The following CNIH3 variants were observed in gnomAD, a reference collection of about 807,000 sequenced individuals.
CNIH3 encodes protein cornichon homolog 3.
Under a neutral mutation model 24.1 loss-of-function variants are expected in CNIH3, and 14 were observed. The observed-to-expected ratio is 0.58, with a 90% CI of 0.38 to 0.91. The LOEUF (loss-of-function observed/expected upper bound fraction) is 0.91. CNIH3 is among the 40% of genes least tolerant of loss of function. The pLI is 0.00. For synonymous variants in CNIH3, 68 were observed against 73.8 expected (o/e 0.92, Z 0.40); for missense variants, 178 against 196.8 (o/e 0.90, Z 0.57).
chr1:224,452,582 C>T lies in CNIH3; in HGVS notation n.203+17720C>T, dbSNP rs576465438. ...GGATCACAAGGTCAGGAGATTGAGACCATCCTGGCTAACACGGTGAAACCC... is the reference window on the plus strand; with the variant it reads ...GGATCACAAGGTCAGGAGATTGAGATCATCCTGGCTAACACGGTGAAACCC... On this transcript the variant is annotated intron_variant and non_coding_transcript_variant, in intron 1 of 5. Coordinates refer to the CNIH3 transcript ENST00000471578. Among the ~76,000 whole-genome samples, 28 of 148,470 alleles carry T rather than the reference C, an allele frequency of 1.9e-4. No homozygotes were observed. The East Asian group carries it at 3.4e-3, about 18-fold the overall frequency.
intron 1 of CNIH3, among the ~76,000 whole-genome samples, chr1:224,644,685 T>C (rs1482491047): frequency 6.6e-6 from 1 of 152,230 alleles, no homozygotes; most frequent in Non-Finnish European, 1.5e-5. Flanking sequence ...ACCTGACTGC[T>C]GTATGCCAAA....
At position 224,705,859 on chromosome 1, in the gene CNIH3, CTT is replaced by C. The variant is rs869143802; in HGVS notation, c.198+21030_198+21031del. 6.7e-5 allele frequency among the ~76,000 whole-genome samples: 6 copies of C among 88,920 alleles called. 1 individual carries two copies. Among genetic ancestry groups the C allele is most frequent in the Middle Eastern group, 6.8e-3 (1 of 148 alleles). The allele number at this position is 88,920 out of a possible 152,430, so 58.3% of individuals were successfully genotyped here. A position where few individuals can be genotyped will look rare whatever the true frequency, so the allele number is the denominator to read the frequency against. On this transcript the variant is annotated intron_variant, in intron 3 of 5. Coordinates refer to ENST00000272133, the MANE Select transcript of CNIH3 (RefSeq NM_152495.2). ...TTTCTCTCTTTCTTTTCTTTTTTTT[CTT>C]TTTTTTTTTTTTTGAGCTGAACCTA...
chr1:224,593,297 G>A (rs1681841024), downstream of CNIH3, among the ~76,000 whole-genome samples: 1 of 152,050 alleles, frequency 6.6e-6, no homozygotes, highest in Non-Finnish European at 1.5e-5. Context: ...TGGGACCACA[G>A]GCATGTGGCA....
At chr1:224,454,127 C>T (rs1368941375) in intron 1 of CNIH3, among the ~76,000 whole-genome samples, 1 of 152,118 alleles carries the variant, frequency 6.6e-6, no homozygotes, top group Non-Finnish European at 1.5e-5. Context: ...CTATATTATT[C>T]TAAGAAGTAA....
chr1:224,577,339 A>C (rs771646945), intron 4 of CNIH3, among the ~76,000 whole-genome samples: 17 of 152,186 alleles, frequency 1.1e-4, no homozygotes, highest in Non-Finnish European at 1.9e-4. Flanking sequence ...AGAATCTACA[A>C]GGAACTCAAA....
intron 1 of CNIH3, among the ~76,000 whole-genome samples, chr1:224,440,947 G>C (rs1406989612): frequency 6.6e-6 from 1 of 151,974 alleles, no homozygotes; most frequent in Non-Finnish European, 1.5e-5. Context: ...CTCCCGAGTA[G>C]CTGGGACTAC....
chr1:224,642,939 A>G (rs999503530), intron 1 of CNIH3, among the ~76,000 whole-genome samples: 5 of 152,032 alleles, frequency 3.3e-5, no homozygotes, highest in Non-Finnish European at 7.4e-5. Context: ...CTCCGGAGAG[A>G]GCTCTAAAGG....
At chr1:224,512,553 G>A (rs1392717236), upstream of CNIH3, among the ~76,000 whole-genome samples, 4 of 152,144 alleles carry the variant, frequency 2.6e-5, no homozygotes, top group African/African-American at 7.2e-5. Context: ...CAACCAAAAT[G>A]AACAAATGTT....
At chr1:224,670,611 A>G (rs1181500931) in intron 1 of CNIH3, among the ~76,000 whole-genome samples, 1 of 152,134 alleles carries the variant, frequency 6.6e-6, no homozygotes, top group Non-Finnish European at 1.5e-5. Context: ...TCATCCCTAA[A>G]TGGAGGAGGC....
At chr1:224,726,623 C>T (rs531885421) in intron 3 of CNIH3, among the ~76,000 whole-genome samples, 50 of 152,252 alleles carry the variant, frequency 3.3e-4, no homozygotes, top group Non-Finnish European at 6.6e-4. Context: ...TCTAGGATGC[C>T]GACCTCTGGT....
intron 3 of CNIH3, among the ~76,000 whole-genome samples, chr1:224,715,686 G>A (rs1040386965): frequency 6.6e-6 from 1 of 152,152 alleles, no homozygotes; most frequent in Non-Finnish European, 1.5e-5. Flanking sequence ...GAGATCACAC[G>A]GCGGGAGAGG....
At chr1:224,638,625 T>C (rs1043050294) in intron 1 of CNIH3, among the ~76,000 whole-genome samples, 1 of 152,182 alleles carries the variant, frequency 6.6e-6, no homozygotes, top group African/African-American at 2.4e-5. Context: ...CATCCCTAGA[T>C]GTTATCTCTC....
intron 1 of CNIH3, among the ~76,000 whole-genome samples, chr1:224,484,016 C>A (rs2405024): frequency 0.013 from 1,936 of 151,902 alleles, 32 homozygotes; most frequent in African/African-American, 0.041. Flanking sequence ...ACTAAAAATA[C>A]AAAAATTAGC....
intron 2 of CNIH3, among the ~76,000 whole-genome samples, chr1:224,527,827 A>G (rs1678903282): frequency 6.6e-6 from 1 of 152,224 alleles, no homozygotes; most frequent in Non-Finnish European, 1.5e-5. Context: ...ATTATGTGTC[A>G]ATTACAAATA....
At chr1:224,446,212 G>GTTTTTTTTTTTTTTTTTTT (rs35812016) in intron 1 of CNIH3, among the ~76,000 whole-genome samples, 1 of 108,876 alleles carries the variant, frequency 9.2e-6, no homozygotes, top group African/African-American at 3.3e-5. Flanking sequence ...TTTCAACTTT[G>GTTTTTTTTTTTTTTTTTTT]TTTTTTTTTT....
At chr1:224,463,773 ATTTTTTTT>A (rs56137320) in intron 1 of CNIH3, among the ~76,000 whole-genome samples, 22 of 20,724 alleles carry the variant, frequency 1.1e-3, no homozygotes, top group African/African-American at 5.1e-3. Flanking sequence ...AATTGTCCTC[ATTTTTTTT>A]TTTTTTTTTT....
At chr1:224,538,908 T>C (rs1201254456), downstream of CNIH3, among the ~76,000 whole-genome samples, 14 of 151,016 alleles carry the variant, frequency 9.3e-5, no homozygotes, top group East Asian at 2.7e-3. Flanking sequence ...TCTCAAGTGA[T>C]TCTCCTGCCT....
intron 2 of CNIH3, among the ~76,000 whole-genome samples, chr1:224,521,773 G>T (rs561047018): frequency 6.6e-6 from 1 of 152,180 alleles, no homozygotes; most frequent in Non-Finnish European, 1.5e-5. Context: ...AAATGAAATT[G>T]CTTGAGACCG....
At chr1:224,520,076 C>G (rs1257897007) in intron 1 of CNIH3, among the ~76,000 whole-genome samples, 1 of 152,190 alleles carries the variant, frequency 6.6e-6, no homozygotes, top group African/African-American at 2.4e-5. Context: ...GACTCAACAA[C>G]AGCTGCATCT....
Sources: gnomAD v4.1 joint callset for allele counts (sites outside exome capture counted in the v4.1 genomes callset) on GRCh38, gnomAD v4.1.1 for gene constraint, MANE v1.5 for transcripts, NCBI Gene and HGNC (gene_info 2026-07-23, HGNC 2026-07-21) for gene names.